The following ZNF786 variants were observed in gnomAD, a reference collection of about 807,000 sequenced individuals.
ZNF786 encodes zinc finger protein 786.
ZNF786 carries 56 observed loss-of-function variants against 63.1 expected under a neutral mutation model. That is an observed-to-expected ratio of 0.89 (90% CI 0.72 to 1.11). The LOEUF (loss-of-function observed/expected upper bound fraction) is 1.11. Ranked by LOEUF, ZNF786 falls within the 50% of genes least tolerant of loss-of-function variation. ZNF786 has a pLI of 0.00. For missense variants in ZNF786, 1,213 were observed against 1,041.8 expected (o/e 1.16, Z -2.26); for synonymous variants, 485 against 406.9 (o/e 1.19, Z -2.31).
chr7:149,070,211 G>GGAA lies in ZNF786; in HGVS notation c.*209_*211dup. 1 of 551,608 alleles carries GGAA rather than the reference G, an allele frequency of 1.8e-6. No individual in the cohort carries two copies. Among genetic ancestry groups the GGAA allele is most frequent in the South Asian group, 2.5e-5 (1 of 40,184 alleles). 34.2% of individuals were successfully genotyped at this position (551,608 alleles called of 1,614,324 possible). On this transcript the variant is annotated 3_prime_UTR_variant, in exon 4 of 4. Coordinates refer to ENST00000491431, the MANE Select transcript of ZNF786 (RefSeq NM_152411.4). Reference sequence around the variant, plus strand: ...GGGTGACAGAGCAAAACTCCATCTTGGAAAAAAAAAAAAAAAAGAAAGAAA... The same window carrying GGAA: ...GGGTGACAGAGCAAAACTCCATCTTGGAAGAAAAAAAAAAAAAAAAGAAAGAAA...
chr7:149,071,071 G>A lies in ZNF786; in HGVS notation c.1701C>T (p.Cys567=), dbSNP rs369688683. 1.7e-5 allele frequency: 28 copies of A among 1,610,008 alleles called. No individual in the cohort carries two copies. The African/African-American group carries it at 3.1e-4, about 18-fold the overall frequency. ...TGGTGAAGCCCTTGCCACACTCCCC[G>A]CACGAGAACGGCCTCTCCTTGCTGT... The part of the protein sequence containing the change: ...HTHSKERPFS[C]GECGKGFTRQ... Residue 567 remains cysteine (C), a synonymous_variant, in exon 4 of 4, where the codon TGC becomes TGT. Transcript: ENST00000491431.
intron 3 of ZNF786, among the ~76,000 whole-genome samples, chr7:149,073,044 G>T (rs932355737): frequency 6.6e-6 from 1 of 152,140 alleles, no homozygotes; most frequent in Non-Finnish European, 1.5e-5. Flanking sequence ...GAGCCATCCT[G>T]TCTCTAAGAC....
intron 2 of ZNF786, among the ~76,000 whole-genome samples, chr7:149,076,301 G>C (rs1476326216): frequency 2.0e-5 from 3 of 151,432 alleles, no homozygotes; most frequent in African/African-American, 4.8e-5. Flanking sequence ...TTTTAGTAGA[G>C]ACAGGGTTTC....
At position 149,070,312 on chromosome 7, in the gene ZNF786, AAAG is replaced by A; in HGVS notation, c.*108_*110del. ...CCTAACTTGCATGACACTCTTGCTC[AAAG>A]AAGGATACCTGCTCCTAAAACCCGT... On this transcript the variant is annotated 3_prime_UTR_variant, in exon 4 of 4. Coordinates refer to ENST00000491431, the MANE Select transcript of ZNF786 (RefSeq NM_152411.4). The A allele has an allele frequency of 2.8e-6, 4 of 1,432,162 alleles. No homozygotes were observed. Among genetic ancestry groups the A allele is most frequent in the African/African-American group, 1.4e-5 (1 of 70,232 alleles). The allele number at this position is 1,432,162 out of a possible 1,614,324, so 88.7% of individuals were successfully genotyped here. A position where few individuals can be genotyped will look rare whatever the true frequency, so the allele number is the denominator to read the frequency against.
intron 2 of ZNF786, among the ~76,000 whole-genome samples, 188 bp downstream of exon 2, chr7:149,080,403 C>T (rs1182120004): frequency 6.6e-6 from 1 of 152,136 alleles, no homozygotes; most frequent in Non-Finnish European, 1.5e-5. Context: ...TCTCATGTAA[C>T]AATGTCTACC....
chr7:149,089,446 G>A (rs948862807), intron 1 of ZNF786, among the ~76,000 whole-genome samples: 1 of 152,072 alleles, frequency 6.6e-6, no homozygotes, highest in Non-Finnish European at 1.5e-5. Flanking sequence ...CTCCCGAGGA[G>A]CTGGGATTAC....
intron 1 of ZNF786, among the ~76,000 whole-genome samples, chr7:149,084,293 CA>C (rs1454580265): frequency 7.2e-6 from 1 of 139,580 alleles, no homozygotes; most frequent in Non-Finnish European, 1.5e-5. Context: ...ACCCAGGAGG[CA>C]GAGGTTCCAG....
At chr7:149,079,224 C>T (rs544774604) in intron 2 of ZNF786, among the ~76,000 whole-genome samples, 41 of 152,032 alleles carry the variant, frequency 2.7e-4, no homozygotes, top group African/African-American at 8.7e-4. Context: ...CTGGCTAACA[C>T]GGTGAAACCC....
intron 2 of ZNF786, among the ~76,000 whole-genome samples, chr7:149,079,834 C>A (rs1452626983): frequency 1.4e-5 from 2 of 146,362 alleles, no homozygotes; most frequent in South Asian, 4.7e-4. Context: ...CTCCCAAAGT[C>A]CTGGGATTAC....
intron 2 of ZNF786, among the ~76,000 whole-genome samples, chr7:149,075,269 G>T (rs1453234915): frequency 6.6e-6 from 1 of 152,140 alleles, no homozygotes; most frequent in South Asian, 2.1e-4. Flanking sequence ...TTTAGATAGG[G>T]TCTCACTCTG....
intron 1 of ZNF786, among the ~76,000 whole-genome samples, chr7:149,088,443 A>G (rs1020385151): frequency 6.6e-6 from 1 of 152,206 alleles, no homozygotes; most frequent in Non-Finnish European, 1.5e-5. Context: ...TCTCCCAATA[A>G]GCTCTGTGGT....
Position 149,080,649 on chromosome 7 carries a change from C to G in ZNF786, c.87G>C (p.Trp29Cys), listed in dbSNP as rs752033911. The part of the protein sequence containing the change: ...SEQEWQDLEA[W>C]QKELYKHVMR... ...TCACATGCTTGTAAAGTTCCTTCTGCCATGCCTCTAGATCCTGCCATTCTT... is the reference window on the plus strand; with the variant it reads ...TCACATGCTTGTAAAGTTCCTTCTGGCATGCCTCTAGATCCTGCCATTCTT... The change falls in exon 2 of 4, where the codon TGG becomes TGC. Residue 29 changes from tryptophan (W) to cysteine (C), a missense_variant. Trp to Cys is a radical substitution (Grantham distance 215). Transcript: ENST00000491431. 6.2e-7 allele frequency: 1 copy of G among 1,612,884 alleles called. No individual in the cohort carries two copies. Among genetic ancestry groups the G allele is most frequent in the African/African-American group, 1.3e-5 (1 of 74,988 alleles).
In ZNF786 at chr7:149,073,758, T is replaced by C. The variant is rs1362929251; in HGVS notation, c.298+628A>G. The stretch of plus-strand genomic sequence containing the variant: ...GTGTGTGTGTGTGTGTATATATATA[T>C]ATATATATATATATATATATATGTA... On this transcript the variant is annotated intron_variant, in intron 3 of 3. Transcript: ENST00000491431. Among the ~76,000 whole-genome samples the C allele has an allele frequency of 6.5e-3, 630 of 97,088 alleles. 7 individuals carry two copies. The highest frequency in any genetic ancestry group is 0.021 in the African/African-American group (588 of 27,978). 63.7% of individuals were successfully genotyped at this position (97,088 alleles called of 152,430 possible).
intron 2 of ZNF786, among the ~76,000 whole-genome samples, chr7:149,077,867 C>CT (rs373659985): frequency 0.16 from 22,359 of 139,504 alleles, 1,963 homozygotes; most frequent in African/African-American, 0.24. Flanking sequence ...ATAATTTTGT[C>CT]TTTTTTTTTT....
At chr7:149,082,536 T>C (rs1825669731) in intron 1 of ZNF786, 2 of 934,156 alleles carry the variant, frequency 2.1e-6, no homozygotes, top group Non-Finnish European at 2.6e-6. Flanking sequence ...GTTATTGCCA[T>C]ATGTCCTCAA....
At chr7:149,074,837 A>T (rs560369207) in intron 2 of ZNF786, among the ~76,000 whole-genome samples, 95 of 151,434 alleles carry the variant, frequency 6.3e-4, no homozygotes, top group African/African-American at 1.8e-3. Flanking sequence ...ATATATTTTT[A>T]AAATTAATTA....
intron 1 of ZNF786, among the ~76,000 whole-genome samples, chr7:149,087,814 A>G (rs963864784): frequency 1.3e-5 from 2 of 150,886 alleles, no homozygotes; most frequent in African/African-American, 4.9e-5. Flanking sequence ...TTTTTTTGAA[A>G]CGGGGGTCTC....
intron 2 of ZNF786, among the ~76,000 whole-genome samples, chr7:149,077,680 A>G (rs1825579875): frequency 6.6e-6 from 1 of 150,862 alleles, no homozygotes; most frequent in African/African-American, 2.4e-5. Context: ...CTAGCCGGCC[A>G]CAGTGGCTCA....
intron 1 of ZNF786, among the ~76,000 whole-genome samples, chr7:149,085,131 A>G (rs192416138): frequency 2.6e-5 from 4 of 152,184 alleles, no homozygotes; most frequent in South Asian, 2.1e-4. Flanking sequence ...TGGGCTCTCT[A>G]TTCTGTTCCA....
Sources: gnomAD v4.1 joint callset for allele counts (sites outside exome capture counted in the v4.1 genomes callset) on GRCh38, gnomAD v4.1.1 for gene constraint, MANE v1.5 for transcripts, NCBI Gene and HGNC (gene_info 2026-07-23, HGNC 2026-07-21) for gene names.